The following GXYLT2 variants were observed in gnomAD, a reference collection of about 807,000 sequenced individuals.
GXYLT2 encodes glucoside xylosyltransferase 2.
Under a neutral mutation model 45.8 loss-of-function variants are expected in GXYLT2, and 53 were observed. The observed-to-expected ratio is 1.16, with a 90% CI of 0.93 to 1.46. The LOEUF is 1.46. GXYLT2 is among the 40% of genes most tolerant of loss of function. The pLI is 0.00. For synonymous variants in GXYLT2, 219 were observed against 214.2 expected (o/e 1.02, Z -0.19); for missense variants, 551 against 544.4 (o/e 1.01, Z -0.12).
chr3:72,929,153 A>G (rs1028083765), intron 3 of GXYLT2: 30 of 1,588,040 alleles, frequency 1.9e-5, no homozygotes, highest in Non-Finnish European at 2.3e-5. Flanking sequence ...TTACCTGTCC[A>G]TGTCTTACTA....
chr3:72,894,675 C>T lies in GXYLT2; in HGVS notation c.275+6167C>T, dbSNP rs186486029. Among the ~76,000 whole-genome samples, 18 of 152,348 alleles carry T rather than the reference C, an allele frequency of 1.2e-4. No homozygotes were observed. The East Asian group carries it at 3.1e-3, about 26-fold the overall frequency. On this transcript the variant is annotated intron_variant, in intron 1 of 6. Coordinates refer to ENST00000389617, the MANE Select transcript of GXYLT2 (RefSeq NM_001080393.2). Reference sequence around the variant, plus strand: ...ATTCAGTGAGGAACATCTGAGCCCTCGTCCTGCCCCGTGGAACACGGGCTA... The same window carrying T: ...ATTCAGTGAGGAACATCTGAGCCCTTGTCCTGCCCCGTGGAACACGGGCTA...
At chr3:72,944,059 A>G (rs995340772) in intron 3 of GXYLT2, among the ~76,000 whole-genome samples, 1 of 151,748 alleles carries the variant, frequency 6.6e-6, no homozygotes, top group African/African-American at 2.4e-5. Flanking sequence ...GTATAGATTA[A>G]TAGTTGATAT....
chr3:72,942,317 A>G (rs1710317223), intron 3 of GXYLT2, among the ~76,000 whole-genome samples: 1 of 152,198 alleles, frequency 6.6e-6, no homozygotes. Flanking sequence ...GAGAAAAATC[A>G]CACCTCTTCC....
At chr3:72,916,944 G>A (rs1709755336) in intron 2 of GXYLT2, among the ~76,000 whole-genome samples, 1 of 151,960 alleles carries the variant, frequency 6.6e-6, no homozygotes, top group African/African-American at 2.4e-5. Context: ...ATTTGTAGAT[G>A]CTCAAAAATA....
chr3:72,955,023 T>G, intron 3 of GXYLT2, 75 bp from the exon 4 acceptor site: 1 of 1,499,220 alleles, frequency 6.7e-7, no homozygotes, highest in Non-Finnish European at 9.1e-7. Context: ...TCAGGCTACT[T>G]CCTTTGTTTC....
chr3:72,936,291 CA>C (rs753881580), intron 3 of GXYLT2, among the ~76,000 whole-genome samples: 1 of 112,460 alleles, frequency 8.9e-6, no homozygotes, highest in Admixed American at 9.6e-5. Flanking sequence ...GACTCCATCT[CA>C]AAAAAAAGAA....
chr3:72,931,919 A>G (rs1397975742), intron 3 of GXYLT2, among the ~76,000 whole-genome samples: 9 of 152,186 alleles, frequency 5.9e-5, no homozygotes, highest in African/African-American at 2.2e-4. Flanking sequence ...GAAGACTCAA[A>G]CTACTAAAAT....
chr3:72,918,650 C>T (rs1441600511), intron 2 of GXYLT2, among the ~76,000 whole-genome samples: 1 of 151,914 alleles, frequency 6.6e-6, no homozygotes, highest in Admixed American at 6.6e-5. Context: ...CATGGCGAAA[C>T]CCCATCTCTA....
chr3:72,929,376 ATGAGTCAGTCACTAC>A, intron 3 of GXYLT2: 1 of 1,046,612 alleles, frequency 9.6e-7, no homozygotes, highest in Non-Finnish European at 1.5e-6. Flanking sequence ...AAAAAAAAAT[ATGAGTCAGTCACTAC>A]TGGAACTGCA....
intron 3 of GXYLT2, among the ~76,000 whole-genome samples, chr3:72,925,156 C>CTTTTTTTTT (rs368190344): frequency 6.7e-6 from 1 of 148,566 alleles, no homozygotes; most frequent in African/African-American, 2.6e-5. Flanking sequence ...TTTTCTTTTT[C>CTTTTTTTTT]TTTCTTTTTT....
intron 6 of GXYLT2, among the ~76,000 whole-genome samples, chr3:72,972,352 G>A (rs894774680): frequency 2.1e-5 from 3 of 144,698 alleles, no homozygotes; most frequent in African/African-American, 7.8e-5. Context: ...TCTTTAAGAA[G>A]CATATATTCT....
intron 1 of GXYLT2, among the ~76,000 whole-genome samples, chr3:72,904,880 A>AC (rs1405286153): frequency 6.5e-5 from 3 of 46,298 alleles, no homozygotes; most frequent in Non-Finnish European, 1.9e-4. Context: ...AAAGATACAA[A>AC]AAAAAAAAAA....
intron 1 of GXYLT2, among the ~76,000 whole-genome samples, chr3:72,890,774 C>T (rs1709167933): frequency 6.6e-6 from 1 of 152,148 alleles, no homozygotes; most frequent in South Asian, 2.1e-4. Context: ...AGGAGTGTTT[C>T]TATTTCCAGG....
rs1108154 is a variant in GXYLT2 at position 72,975,458 on chromosome 3, A to C, written c.*299A>C. ...AGCTTTTGTGAGCCTTCTAATTCCT[A>C]AACGTCTGAGACCATTTCAGTGGCA... On this transcript the variant is annotated 3_prime_UTR_variant, in exon 7 of 7. Transcript: ENST00000389617. 1 of 238,844 alleles carries C rather than the reference A, an allele frequency of 4.2e-6. No individual in the cohort carries two copies. Among genetic ancestry groups the C allele is most frequent in the Non-Finnish European group, 8.0e-6 (1 of 125,274 alleles). The allele number at this position is 238,844 out of a possible 1,614,324, so 14.8% of individuals were successfully genotyped here.
intron 3 of GXYLT2, among the ~76,000 whole-genome samples, chr3:72,924,269 C>G (rs1420391599): frequency 6.6e-6 from 1 of 150,426 alleles, no homozygotes; most frequent in Non-Finnish European, 1.5e-5. Context: ...TCATGGCTTA[C>G]TGCAGCCTCC....
intron 5 of GXYLT2, among the ~76,000 whole-genome samples, chr3:72,964,513 G>A (rs1336336495): frequency 6.6e-6 from 1 of 151,900 alleles, no homozygotes; most frequent in Non-Finnish European, 1.5e-5. Context: ...AGTAGAGGTG[G>A]GGTTTCACCA....
chr3:72,905,988 T>G (rs76297059), intron 1 of GXYLT2, among the ~76,000 whole-genome samples: 2 of 152,212 alleles, frequency 1.3e-5, no homozygotes, highest in African/African-American at 2.4e-5. Flanking sequence ...ATTTAAGATA[T>G]CTAAGTGATT....
chr3:72,955,101 A>G lies in GXYLT2; in HGVS notation c.604A>G (p.Ile202Val), dbSNP rs1347314253. 9.9e-6 allele frequency: 16 copies of G among 1,613,580 alleles called. No homozygotes were observed. Among genetic ancestry groups the G allele is most frequent in the Non-Finnish European group, 1.3e-5 (15 of 1,179,588 alleles). The change falls in exon 4 of 7, where the codon ATT (isoleucine) becomes GTT (valine). Residue 202 changes from isoleucine to valine, a missense_variant. Transcript: ENST00000389617. Reference sequence around the variant, plus strand: ...CACCCACTCCTTACACACAAAGGTGATTTTAAAGGATGTGGACTCACTTCT... The same window carrying G: ...CACCCACTCCTTACACACAAAGGTGGTTTTAAAGGATGTGGACTCACTTCT... ...CAAQRLFLPV[I>V]LKDVDSLLYV...
At chr3:72,904,310 G>A (rs1036913559) in intron 1 of GXYLT2, among the ~76,000 whole-genome samples, 3 of 152,188 alleles carry the variant, frequency 2.0e-5, no homozygotes, top group African/African-American at 4.8e-5. Flanking sequence ...AGTAGGAGCT[G>A]GTGAAAGGCA....
Sources: gnomAD v4.1 joint callset for allele counts (sites outside exome capture counted in the v4.1 genomes callset) on GRCh38, gnomAD v4.1.1 for gene constraint, MANE v1.5 for transcripts, NCBI Gene and HGNC (gene_info 2026-07-23, HGNC 2026-07-21) for gene names.